Variants in CSF1R observed in about 807,000 individuals in gnomAD.
CSF1R encodes colony stimulating factor 1 receptor, also known as macrophage colony-stimulating factor 1 receptor.
A neutral mutation model predicts 110.0 loss-of-function variants in CSF1R; 40 were observed. The observed-to-expected ratio is 0.36, with a 90% CI of 0.28 to 0.47. CSF1R has a LOEUF of 0.47. Among genes scored for constraint, CSF1R ranks in the 20% least tolerant of loss-of-function variants. The pLI is 0.99. For synonymous variants in CSF1R, 523 were observed against 503.4 expected, an observed-to-expected ratio of 1.04 and a Z score of -0.52; for missense variants, 1,052 against 1,253.0, an observed-to-expected ratio of 0.84 and a Z score of 2.42.
At chr5:150,083,758 C>T (rs1353506954) in intron 1 of CSF1R, among the ~76,000 whole-genome samples, 10 of 152,234 alleles carry the variant, frequency 6.6e-5, no homozygotes, top group East Asian at 1.9e-4. Flanking sequence ...AAGCAGATAG[C>T]GACAGATAAA....
At chr5:150,087,189 T>C (rs1758876987), upstream of CSF1R, among the ~76,000 whole-genome samples, 1 of 152,230 alleles carries the variant, frequency 6.6e-6, no homozygotes, top group South Asian at 2.1e-4. Flanking sequence ...GGTTGATTGC[T>C]TGGTGTATGG....
Position 150,060,857 on chromosome 5 carries a change from C to G in CSF1R, c.1969+5G>C, listed in dbSNP as rs756528673. On this transcript the variant is annotated splice_donor_5th_base_variant and intron_variant, in intron 13 of 20. Transcript: ENST00000675795. ...CCTTGGCCCCAGGAACCCCAAGGCC[C>G]TTACCTCCATGGGTACAGGCTCCCA... 4 of 1,597,896 alleles carry G rather than the reference C, an allele frequency of 2.5e-6. No homozygotes were observed. The African/African-American group carries it at 5.4e-5, about 21-fold the overall frequency.
At chr5:150,101,459 T>C (rs1388066943) in intron 1 of CSF1R, among the ~76,000 whole-genome samples, 2 of 151,794 alleles carry the variant, frequency 1.3e-5, no homozygotes, top group Non-Finnish European at 2.9e-5. Context: ...ACTGATAGAG[T>C]GAGCTAAGGG....
upstream of CSF1R, among the ~76,000 whole-genome samples, chr5:150,087,283 CT>C (rs750055319): frequency 6.6e-6 from 1 of 152,218 alleles, no homozygotes; most frequent in Non-Finnish European, 1.5e-5. Context: ...TGTTTTCTTC[CT>C]GTATACAGGT....
intron 1 of CSF1R, among the ~76,000 whole-genome samples, chr5:150,083,899 C>T (rs1037511624): frequency 2.0e-5 from 3 of 152,148 alleles, no homozygotes; most frequent in Non-Finnish European, 4.4e-5. Flanking sequence ...TTACCACAAC[C>T]TCCCCTTTTC....
chr5:150,054,076 A>T lies in CSF1R; in HGVS notation c.2912T>A (p.Phe971Tyr), dbSNP rs2113772338. The part of the protein sequence containing the change: ...QPLLQPNNYQ[F>Y]C ...CTCCCTGTCGTCAACTCCTCAGCAGAACTGATAGTTGTTGGGCTGCAGCAA... is the reference window on the plus strand; with the variant it reads ...CTCCCTGTCGTCAACTCCTCAGCAGTACTGATAGTTGTTGGGCTGCAGCAA... The change falls in exon 21 of 21, where the codon TTC becomes TAC. Residue 971 changes from phenylalanine to tyrosine, a missense_variant. This residue lies in a region of CSF1R where 85 missense variants were observed against 78.8 expected (regional missense o/e 1.08). Transcript: ENST00000675795. 1.9e-6 allele frequency: 3 copies of T among 1,614,092 alleles called. No individual in the cohort carries two copies. Among genetic ancestry groups the T allele is most frequent in the Non-Finnish European group, 2.5e-6 (3 of 1,179,996 alleles).
Position 150,061,600 on chromosome 5 carries a change from C to T in CSF1R, c.1754-5G>A, listed in dbSNP as rs540612741. 1.2e-6 allele frequency: 2 copies of T among 1,614,150 alleles called. No individual in the cohort carries two copies. The highest frequency in any genetic ancestry group is 1.7e-5 in the Admixed American group (1 of 60,022). On this transcript the variant is annotated splice_polypyrimidine_tract_variant and splice_region_variant and intron_variant, in intron 11 of 20. Transcript: ENST00000675795. ...CTCCAGCTCCGAGGGTCTTACCTGC[C>T]ACGCACACAGGTCCCTTAAGTCCCT...
At chr5:150,060,281 C>T (rs1311995400) in intron 13 of CSF1R, among the ~76,000 whole-genome samples, 2 of 150,048 alleles carry the variant, frequency 1.3e-5, no homozygotes, top group African/African-American at 4.9e-5. Flanking sequence ...GAGCCGAGAT[C>T]GCACCACTGC....
At chr5:150,102,143 T>C (rs1300913772) in intron 1 of CSF1R, among the ~76,000 whole-genome samples, 1 of 152,162 alleles carries the variant, frequency 6.6e-6, no homozygotes, top group East Asian at 1.9e-4. Context: ...TGGAGCAGGA[T>C]CCATTCATAG....
intron 19 of CSF1R, 133 bp from the exon 20 acceptor site, chr5:150,054,563 C>A: frequency 1.5e-6 from 1 of 672,566 alleles, no homozygotes. Flanking sequence ...AAAACCTATG[C>A]CAAGTCCTTG....
chr5:150,076,344 A>G (rs969701093), intron 5 of CSF1R, among the ~76,000 whole-genome samples: 4 of 146,254 alleles, frequency 2.7e-5, no homozygotes, highest in East Asian at 2.0e-4. Context: ...CTATCTATCT[A>G]TCTATCTATC....
intron 1 of CSF1R, among the ~76,000 whole-genome samples, chr5:150,106,113 C>T (rs755780038): frequency 6.6e-6 from 1 of 152,174 alleles, no homozygotes; most frequent in Non-Finnish European, 1.5e-5. Flanking sequence ...GTGTGCTGAC[C>T]GCTAGTGGAC....
rs1757555303 is a variant in CSF1R at position 150,061,991 on chromosome 5, G to C, written c.1627-142C>G. On this transcript the variant is annotated intron_variant, in intron 10 of 20. Coordinates refer to ENST00000675795, the MANE Select transcript of CSF1R (RefSeq NM_001288705.3). ...CAGGGCAAGGCCTGCTCTGGGCTGA[G>C]AGAGGTCGTCTCATGAACATAGCAC... 11 of 1,130,486 alleles carry C rather than the reference G, an allele frequency of 9.7e-6. 1 individual carries two copies. In the South Asian group the frequency reaches 1.5e-4, roughly 16 times the overall value. 70.0% of individuals were successfully genotyped at this position (1,130,486 alleles called of 1,614,324 possible).
chr5:150,060,736 C>T (rs766451284), intron 13 of CSF1R, 126 bp downstream of exon 13: 5 of 621,720 alleles, frequency 8.0e-6, no homozygotes, highest in South Asian at 4.5e-5. Flanking sequence ...ATGCTGTGAC[C>T]GGGATCCCCC....
intron 6 of CSF1R, 101 bp from the exon 7 acceptor site, chr5:150,070,672 T>C: frequency 1.2e-6 from 1 of 823,858 alleles, no homozygotes; most frequent in South Asian, 3.2e-5. Context: ...ATTTTATTTT[T>C]GGTAAAATAT....
At chr5:150,071,504 G>C (rs1283513159) in intron 6 of CSF1R, among the ~76,000 whole-genome samples, 2 of 152,150 alleles carry the variant, frequency 1.3e-5, no homozygotes, top group Non-Finnish European at 2.9e-5. Context: ...CCAGACCCTG[G>C]GCATATACAA....
At chr5:150,063,040 A>G (rs1471531403) in intron 10 of CSF1R, among the ~76,000 whole-genome samples, 2 of 151,790 alleles carry the variant, frequency 1.3e-5, no homozygotes, top group African/African-American at 2.4e-5. Context: ...TTTTTTTCCA[A>G]GACAGGATCT....
chr5:150,094,679 C>T (rs1406787079), intron 1 of CSF1R: 1 of 1,597,424 alleles, frequency 6.3e-7, no homozygotes, highest in Non-Finnish European at 8.5e-7. Flanking sequence ...TGAAGCTCAA[C>T]AAGGCTTCGA....
intron 1 of CSF1R, among the ~76,000 whole-genome samples, chr5:150,102,231 G>T (rs1298956995): frequency 6.6e-6 from 1 of 152,172 alleles, no homozygotes; most frequent in Non-Finnish European, 1.5e-5. Context: ...AGAAGGCCGT[G>T]AGGATGTGCA....
Sources: allele counts gnomAD v4.1 joint callset (sites outside exome capture counted in the v4.1 genomes callset), GRCh38; gene constraint gnomAD v4.1.1; regional missense constraint gnomAD v4.1.1; transcripts MANE v1.5; gene names NCBI Gene and HGNC (gene_info 2026-07-23, HGNC 2026-07-21).